Variants in BRWD3 observed in about 807,000 individuals in gnomAD.
BRWD3 encodes the protein bromodomain and WD repeat-containing protein 3.
A neutral mutation model predicts 149.7 loss-of-function variants in BRWD3; 10 were observed. The ratio of observed to expected loss-of-function variants is 0.07; its 90% CI spans 0.04 to 0.11. The LOEUF is 0.11. BRWD3 is among the 10% of genes least tolerant of loss of function. The pLI, the probability that BRWD3 is intolerant of heterozygous loss-of-function variation, is 1.00. For synonymous variants in BRWD3, 504 were observed against 456.7 expected (o/e 1.10, Z -1.32); for missense variants, 940 against 1,373.2 (o/e 0.68, Z 4.99).
Position 80,745,873 on chromosome X carries a change from T to C in BRWD3, c.431-144A>G, listed in dbSNP as rs1051506448. The C allele has an allele frequency of 1.5e-5, 8 of 535,818 alleles. No homozygotes were observed. The African/African-American group carries it at 1.9e-4, about 13-fold the overall frequency. The allele number at this position is 535,818 out of a possible 1,213,427, so 44.2% of individuals were successfully genotyped here. A position where few individuals can be genotyped will look rare whatever the true frequency, so the allele number is the denominator to read the frequency against. On this transcript the variant is annotated intron_variant, in intron 6 of 40. Transcript: ENST00000373275. ...GAGAAGTCTAAATTCCCTTACATAG[T>C]TCATGATTTTATGAACTCCAGTTTA... is the stretch of plus-strand genomic sequence containing the variant.
Position 80,729,944 on chromosome X carries a change from C to T in BRWD3, c.1204G>A (p.Val402Met). The T allele has an allele frequency of 8.3e-7, 1 of 1,203,302 alleles. No individual in the cohort carries two copies. The highest frequency in any genetic ancestry group is 1.1e-6 in the Non-Finnish European group (1 of 887,726). ...QYQQQEWKSIVLDMATKMTGN... is the reference protein window; with the variant it reads ...QYQQQEWKSIMLDMATKMTGN... Reference sequence around the variant, plus strand: ...GTCATTTTAGTAGCCATGTCTAGCACTATACTCTTCCATTCTTGTTGCTGA... The same window carrying T: ...GTCATTTTAGTAGCCATGTCTAGCATTATACTCTTCCATTCTTGTTGCTGA... Residue 402 changes from valine (V) to methionine (M), a missense_variant, in exon 13 of 41, where the codon GTG (valine) becomes ATG (methionine). This residue lies in a region of BRWD3 where 209 missense variants were observed against 396.8 expected (regional missense o/e 0.53). Coordinates refer to ENST00000373275, the MANE Select transcript of BRWD3 (RefSeq NM_153252.5).
At chrX:80,691,268 T>G in intron 30 of BRWD3, 95 bp from the exon 31 acceptor site, 2 of 908,313 alleles carry the variant, frequency 2.2e-6, no homozygotes, top group Non-Finnish European at 1.5e-6. Flanking sequence ...GAAGGGAGGG[T>G]GATATACTAC....
At chrX:80,746,217 A>G (rs775293773) in intron 6 of BRWD3, among the ~76,000 whole-genome samples, 2 of 110,395 alleles carry the variant, frequency 1.8e-5, no homozygotes, top group Non-Finnish European at 3.8e-5. Context: ...AAAAAAAACT[A>G]TACAGTGAAA....
chrX:80,808,524 G>T lies in BRWD3; in HGVS notation c.180+15C>A, dbSNP rs374749055. 1.4e-5 allele frequency: 17 copies of T among 1,198,666 alleles called. No homozygotes were observed. The African/African-American group carries it at 2.9e-4, about 20-fold the overall frequency. On this transcript the variant is annotated intron_variant, in intron 4 of 40. Coordinates refer to ENST00000373275, the MANE Select transcript of BRWD3 (RefSeq NM_153252.5). ...TGAAAGAGTTAGGTTAAGTTGAAAT[G>T]AAAACTTTACTCACCAGATCCTCGA...
Position 80,728,793 on chromosome X carries a change from C to T in BRWD3, c.1345G>A (p.Val449Met), listed in dbSNP as rs1284406582. 8.3e-7 allele frequency: 1 copy of T among 1,207,551 alleles called. No homozygotes were observed. The highest frequency in any genetic ancestry group is 1.8e-5 in the South Asian group (1 of 56,746). ...AGCTGTCCTGTGATAGAATTCCACA[C>T]TTTCAAAAGAAAATTGTTCACTGCA... ...ITAVNNFLLK[V>M]WNSITGQLLH... The change falls in exon 14 of 41, where the codon GTG becomes ATG. Residue 449 changes from valine (V) to methionine (M), a missense_variant. This residue lies in a region of BRWD3 where 209 missense variants were observed against 396.8 expected (regional missense o/e 0.53). Transcript: ENST00000373275.
intron 6 of BRWD3, among the ~76,000 whole-genome samples, chrX:80,751,065 A>G (rs1282968247): frequency 9.0e-6 from 1 of 111,367 alleles, no homozygotes; most frequent in African/African-American, 3.3e-5. Flanking sequence ...ATAAAAACAG[A>G]GTAGAAAGGT....
intron 14 of BRWD3, among the ~76,000 whole-genome samples, chrX:80,726,306 TTA>T (rs1189756720): frequency 7.7e-5 from 8 of 103,558 alleles, no homozygotes; most frequent in African/African-American, 2.4e-4. Flanking sequence ...CGTTTACATG[TTA>T]TGTCTGTATA....
At chrX:80,710,150 G>A in intron 20 of BRWD3, 1 of 531,728 alleles carries the variant, frequency 1.9e-6, no homozygotes, top group Non-Finnish European at 3.4e-6. Context: ...AGGGCTTACT[G>A]ATGATGGTAA....
In BRWD3 at chrX:80,671,722, G is replaced by A. The variant is rs1375807376; in HGVS notation, c.*4887C>T. The A allele has an allele frequency of 9.0e-6, 1 of 111,327 alleles. No homozygotes were observed. Among genetic ancestry groups the A allele is most frequent in the African/African-American group, 3.3e-5 (1 of 30,630 alleles). 9.2% of individuals were successfully genotyped at this position (111,327 alleles called of 1,213,427 possible). ...CTTTTTTACTGAATTTTAGTTTAACGGACATTTTGCCCATATACAATATCA... is the reference window on the plus strand; with the variant it reads ...CTTTTTTACTGAATTTTAGTTTAACAGACATTTTGCCCATATACAATATCA... On this transcript the variant is annotated 3_prime_UTR_variant, in exon 41 of 41. Transcript: ENST00000373275.
At chrX:80,782,500 C>CA (rs905916195) in intron 6 of BRWD3, among the ~76,000 whole-genome samples, 2 of 110,861 alleles carry the variant, frequency 1.8e-5, no homozygotes, top group Non-Finnish European at 3.8e-5. Flanking sequence ...GCAACCACAG[C>CA]AAAAAAAGTT....
chrX:80,795,493 GTATATA>G (rs774031730), intron 4 of BRWD3, among the ~76,000 whole-genome samples: 8 of 108,722 alleles, frequency 7.4e-5, no homozygotes, highest in African/African-American at 2.7e-4. Flanking sequence ...ACATGTATGT[GTATATA>G]TGTATATGTA....
intron 8 of BRWD3, among the ~76,000 whole-genome samples, chrX:80,740,984 T>A: frequency 9.0e-6 from 1 of 111,204 alleles, no homozygotes; most frequent in Non-Finnish European, 1.9e-5. Context: ...TACGTATACA[T>A]GTGCCATGTT....
intron 6 of BRWD3, among the ~76,000 whole-genome samples, chrX:80,791,034 A>T (rs1426526159): frequency 8.9e-6 from 1 of 112,196 alleles, no homozygotes; most frequent in East Asian, 2.8e-4. Context: ...TGTATGTCTA[A>T]TCAATGATTT....
intron 20 of BRWD3, among the ~76,000 whole-genome samples, chrX:80,715,732 A>G (rs1419639749): frequency 4.5e-5 from 5 of 112,073 alleles, no homozygotes; most frequent in African/African-American, 1.6e-4. Flanking sequence ...CAAGACATAA[A>G]TAAGTGAACG....
intron 4 of BRWD3, among the ~76,000 whole-genome samples, chrX:80,799,847 C>G (rs2074274317): frequency 9.0e-6 from 1 of 111,107 alleles, no homozygotes; most frequent in South Asian, 3.8e-4. Context: ...ATCTGTAAAA[C>G]AGTAATGATA....
intron 23 of BRWD3, among the ~76,000 whole-genome samples, 179 bp from the exon 24 acceptor site, chrX:80,703,772 T>TA (rs927617285): frequency 4.5e-5 from 5 of 111,758 alleles, no homozygotes; most frequent in Middle Eastern, 4.6e-3. Context: ...TTTCTGCCAA[T>TA]AAAAAATCAC....
At position 80,766,902 on chromosome X, in the gene BRWD3, G is replaced by A. The variant is rs963057376; in HGVS notation, c.431-21173C>T. Among the ~76,000 whole-genome samples, 11 of 111,930 alleles carry A rather than the reference G, an allele frequency of 9.8e-5. No homozygotes were observed. In the East Asian group the frequency reaches 2.0e-3, roughly 20 times the overall value. ...CAGCACCTGGAAAACTGGGACATTC[G>A]CACCCAAATACTGTGCTTTCCCAAC... is the stretch of plus-strand genomic sequence containing the variant. On this transcript the variant is annotated intron_variant, in intron 6 of 40. Transcript: ENST00000373275.
chrX:80,703,501 A>T lies in BRWD3; in HGVS notation c.2814T>A (p.Phe938Leu). The T allele has an allele frequency of 8.3e-7, 1 of 1,204,858 alleles. No homozygotes were observed. Among genetic ancestry groups the T allele is most frequent in the Non-Finnish European group, 1.1e-6 (1 of 891,029 alleles). ...ILDTIPRRSP[F>L]VPQMGDELIY... ...TTACCTCATCTCCCATTTGTGGGAC[A>T]AATGGGGAACGTCGGGGTATAGTAT... The change falls in exon 24 of 41, where the codon TTT becomes TTA. Residue 938 changes from phenylalanine (F) to leucine (L), a missense_variant. Phe to Leu is a conservative substitution (Grantham distance 22). Around this residue, in one of 6 missense-constraint regions of BRWD3, gnomAD observed 158 missense variants for 284.0 expected, o/e 0.56. Transcript: ENST00000373275.
In BRWD3 at chrX:80,685,854, G is replaced by T. The variant is rs767266353; in HGVS notation, c.4006-318C>A. Among the ~76,000 whole-genome samples the T allele has an allele frequency of 1.9e-3, 207 of 111,295 alleles. 2 individuals are homozygous for T. Among genetic ancestry groups the T allele is most frequent in the South Asian group, 3.0e-3 (8 of 2,632 alleles). On this transcript the variant is annotated intron_variant, in intron 35 of 40. Coordinates refer to ENST00000373275, the MANE Select transcript of BRWD3 (RefSeq NM_153252.5). The stretch of plus-strand genomic sequence containing the variant: ...CCAATGTGTAGTAAGCTCATAGGAC[G>T]GTCTGATGTATTTCTAAAATAGTGC...
Sources: gnomAD v4.1 joint callset for allele counts (sites outside exome capture counted in the v4.1 genomes callset) on GRCh38, gnomAD v4.1.1 for gene constraint, gnomAD v4.1.1 regional missense constraint, MANE v1.5 for transcripts, NCBI Gene and HGNC (gene_info 2026-07-23, HGNC 2026-07-21) for gene names.